Variants in C10orf88 observed in about 807,000 individuals in gnomAD.
The protein encoded by C10orf88 is chromosome 10 open reading frame 88, also known as ATPase PAAT.
In C10orf88, 29 loss-of-function variants were observed where a neutral mutation model predicts 34.2. That is an observed-to-expected ratio of 0.85 (90% CI 0.63 to 1.16). The LOEUF is 1.16. C10orf88 is among the 50% of genes most tolerant of loss of function. The pLI is 0.00. For missense variants in C10orf88, 507 were observed against 533.2 expected (o/e 0.95, Z 0.48); for synonymous variants, 194 against 197.4 (o/e 0.98, Z 0.15).
intron 5 of C10orf88, among the ~76,000 whole-genome samples, chr10:122,934,771 T>C (rs1343893490): frequency 6.6e-6 from 1 of 152,158 alleles, no homozygotes; most frequent in Non-Finnish European, 1.5e-5. Flanking sequence ...TTTATATTCC[T>C]ACCAACAATG....
intron 5 of C10orf88, 25 bp from the exon 6 acceptor site, chr10:122,932,686 G>A (rs372763622): frequency 1.3e-6 from 2 of 1,490,584 alleles, no homozygotes; most frequent in African/African-American, 1.4e-5. Context: ...TTAAAAATGT[G>A]TAAATTTTCC....
Position 122,932,213 on chromosome 10 carries a change from T to A in C10orf88, c.*214A>T, listed in dbSNP as rs1934099216. The A allele has an allele frequency of 4.7e-6, 2 of 422,596 alleles. No individual in the cohort carries two copies. The highest frequency in any genetic ancestry group is 8.4e-6 in the Non-Finnish European group (2 of 237,892). 26.2% of individuals were successfully genotyped at this position (422,596 alleles called of 1,614,324 possible). ...ATTTCTGTAAGACTGAAAAATATCGTGAGCAAAAATAATTTGACTGTATCA... is the reference window on the plus strand; with the variant it reads ...ATTTCTGTAAGACTGAAAAATATCGAGAGCAAAAATAATTTGACTGTATCA... On this transcript the variant is annotated 3_prime_UTR_variant, in exon 6 of 6. Coordinates refer to ENST00000481909, the MANE Select transcript of C10orf88 (RefSeq NM_024942.4).
chr10:122,942,739 C>CAG (rs1364944594), intron 4 of C10orf88, among the ~76,000 whole-genome samples: 6 of 151,324 alleles, frequency 4.0e-5, no homozygotes, highest in African/African-American at 7.3e-5. Flanking sequence ...AACAGACAAA[C>CAG]AGAGAGCCAA....
intron 5 of C10orf88, 128 bp downstream of exon 5, chr10:122,937,577 T>C (rs1848544667): frequency 4.1e-6 from 3 of 733,294 alleles, no homozygotes; most frequent in Admixed American, 2.8e-5. Flanking sequence ...AATGGTAAAA[T>C]GTAAAAGTTG....
chr10:122,952,925 C>T lies in C10orf88; in HGVS notation c.272G>A (p.Gly91Asp), dbSNP rs1848705160. 6.2e-7 allele frequency: 1 copy of T among 1,614,006 alleles called. No homozygotes were observed. The highest frequency in any genetic ancestry group is 1.7e-5 in the Admixed American group (1 of 60,004). ...CATATTTCTTGCTGAACTTAAAATG[C>T]CAATAGAAGCGATTTCTTCACCTCC... ...PDGGEEIASI[G>D]ILSSARNMEV... The change falls in exon 2 of 6, where the codon GGC becomes GAC. Residue 91 changes from glycine to aspartate, a missense_variant. Gly to Asp is a moderately conservative substitution (Grantham distance 94, BLOSUM62 -1). Transcript: ENST00000481909.
intron 4 of C10orf88, among the ~76,000 whole-genome samples, chr10:122,946,907 G>C (rs1275069812): frequency 1.3e-5 from 2 of 152,062 alleles, no homozygotes; most frequent in African/African-American, 4.8e-5. Flanking sequence ...AGAATGTCTG[G>C]AGCAAGCTGC....
At chr10:122,937,597 TC>T (rs1389044496) in intron 5 of C10orf88, 107 bp downstream of exon 5, 3 of 970,860 alleles carry the variant, frequency 3.1e-6, no homozygotes, top group Non-Finnish European at 4.6e-6. Flanking sequence ...GCTAAAATTT[TC>T]TCTGGAAACA....
intron 4 of C10orf88, among the ~76,000 whole-genome samples, chr10:122,940,366 TCAGAAA>T (rs1184100233): frequency 6.6e-6 from 1 of 151,744 alleles, no homozygotes; most frequent in Non-Finnish European, 1.5e-5. Context: ...ATAGTTAAAC[TCAGAAA>T]CAGAGAGTAG....
At chr10:122,952,073 C>T (rs1564723569) in intron 2 of C10orf88, 47 bp from the exon 3 acceptor site, 1 of 909,194 alleles carries the variant, frequency 1.1e-6, no homozygotes, top group Non-Finnish European at 1.7e-6. Flanking sequence ...TATATTGTCA[C>T]TTTTAATAGT....
chr10:122,941,816 A>G (rs1471450634), intron 4 of C10orf88, among the ~76,000 whole-genome samples: 2 of 152,032 alleles, frequency 1.3e-5, no homozygotes, highest in Non-Finnish European at 2.9e-5. Flanking sequence ...GGTGAGAAGA[A>G]AGTAAGTTAT....
intron 4 of C10orf88, among the ~76,000 whole-genome samples, chr10:122,939,615 T>G (rs1848565916): frequency 6.6e-6 from 1 of 152,044 alleles, no homozygotes; most frequent in East Asian, 1.9e-4. Context: ...TATTTAAATA[T>G]TCCTGGAATA....
intron 3 of C10orf88, among the ~76,000 whole-genome samples, chr10:122,951,464 C>T (rs1052698007): frequency 2.6e-5 from 4 of 151,878 alleles, no homozygotes; most frequent in African/African-American, 9.7e-5. Context: ...ACCTCAGCCT[C>T]CTGAGTAACT....
rs376405616 is a variant in C10orf88, at chr10:122,954,157, C to G, written c.22G>C (p.Gly8Arg). 40 of 1,577,230 alleles carry G rather than the reference C, an allele frequency of 2.5e-5. No individual in the cohort carries two copies. In the African/African-American group the frequency reaches 4.9e-4, roughly 19 times the overall value. ...AGCGTGGGGCGGCGGGTGAGGCCCC[C>G]GTCCTCGGTCCGCGTCTCCATTCCG... METRTED[G>R]GLTRRPTLAS... The change falls in exon 1 of 6, where the codon GGG becomes CGG. Residue 8 changes from glycine (G) to arginine (R), a missense_variant. Gly to Arg is a moderately radical substitution (Grantham distance 125). Transcript: ENST00000481909.
chr10:122,933,706 A>T (rs1378711891), intron 5 of C10orf88, among the ~76,000 whole-genome samples: 1 of 152,194 alleles, frequency 6.6e-6, no homozygotes, highest in East Asian at 1.9e-4. Context: ...TTTAGTGTAT[A>T]AATATATGCT....
At chr10:122,945,876 A>T (rs2133334161) in intron 4 of C10orf88, among the ~76,000 whole-genome samples, 1 of 152,168 alleles carries the variant, frequency 6.6e-6, no homozygotes. Context: ...GCAGGTGATC[A>T]CCTGAGAACC....
At chr10:122,942,471 G>C (rs1242843853) in intron 4 of C10orf88, among the ~76,000 whole-genome samples, 1 of 152,098 alleles carries the variant, frequency 6.6e-6, no homozygotes, top group African/African-American at 2.4e-5. Flanking sequence ...CACAAGATAG[G>C]GATGCCCTCT....
At chr10:122,943,741 A>C (rs1305575091) in intron 4 of C10orf88, among the ~76,000 whole-genome samples, 1 of 152,130 alleles carries the variant, frequency 6.6e-6, no homozygotes, top group Non-Finnish European at 1.5e-5. Context: ...TCTCAAAAGA[A>C]GACATTTATG....
chr10:122,938,124 C>T lies in C10orf88; in HGVS notation c.684G>A (p.Val228=). Residue 228 remains valine (V), a synonymous_variant, in exon 5 of 6, where the codon GTG becomes GTA. Transcript: ENST00000481909. Reference sequence around the variant, plus strand: ...TATGCTTGTATCCAGAATTGCCCAACACCGACTGAAGCTGCTCTCCAATGG... The same window carrying T: ...TATGCTTGTATCCAGAATTGCCCAATACCGACTGAAGCTGCTCTCCAATGG... ...CIPIGEQLQS[V]LGNSGYKHMI... 1 of 1,608,354 alleles carries T rather than the reference C, an allele frequency of 6.2e-7. No individual in the cohort carries two copies. The highest frequency in any genetic ancestry group is 1.1e-5 in the South Asian group (1 of 90,556).
At chr10:122,951,580 TAATTC>T (rs1409948777) in intron 3 of C10orf88, among the ~76,000 whole-genome samples, 1 of 152,102 alleles carries the variant, frequency 6.6e-6, no homozygotes, top group Non-Finnish European at 1.5e-5. Context: ...AAAAATTTCT[TAATTC>T]AATGTTAAAA....
Sources: allele counts gnomAD v4.1 joint callset (sites outside exome capture counted in the v4.1 genomes callset), GRCh38; gene constraint gnomAD v4.1.1; transcripts MANE v1.5; gene names NCBI Gene and HGNC (gene_info 2026-07-23, HGNC 2026-07-21).